Variants in PCDHGB1 observed in about 807,000 individuals in gnomAD.
PCDHGB1 encodes the protein protocadherin gamma subfamily B, 1.
PCDHGB1 carries 34 observed loss-of-function variants against 56.6 expected under a neutral mutation model. The observed-to-expected ratio is 0.60, with a 90% CI of 0.46 to 0.80. PCDHGB1 has a LOEUF of 0.80. Ranked by LOEUF, PCDHGB1 falls within the 30% of genes least tolerant of loss-of-function variation. PCDHGB1 has a pLI of 0.00. For missense variants in PCDHGB1, 1,278 were observed against 1,204.6 expected (o/e 1.06, Z -0.90); for synonymous variants, 561 against 505.9 (o/e 1.11, Z -1.46).
intron 1 of PCDHGB1, chr5:141,410,939 C>T (rs960754863): frequency 5.1e-5 from 10 of 195,446 alleles, no homozygotes; most frequent in South Asian, 1.1e-4. Flanking sequence ...CTGCAACCTC[C>T]GCCTTCTGGG....
chr5:141,415,772 T>TTTTA, intron 1 of PCDHGB1: 1 of 1,332,982 alleles, frequency 7.5e-7, no homozygotes, highest in Non-Finnish European at 9.6e-7. Context: ...TTTTTTTTTT[T>TTTTA]ACTTTCTGGT....
chr5:141,428,423 G>C (rs939814279), intron 1 of PCDHGB1: 1 of 440,550 alleles, frequency 2.3e-6, no homozygotes, highest in Non-Finnish European at 4.3e-6. Flanking sequence ...CCTGGTCTCT[G>C]TTCTAAGACT....
chr5:141,351,210 C>T lies in PCDHGB1; in HGVS notation c.950C>T (p.Ala317Val). Residue 317 changes from alanine (A) to valine (V), a missense_variant, in exon 1 of 4, where the codon GCT (alanine) becomes GTT (valine). By Grantham distance (64) the Ala-to-Val change is moderately conservative. Coordinates refer to ENST00000523390, the MANE Select transcript of PCDHGB1 (RefSeq NM_018922.3). ...AGTAGATATGTGTTGAGTGTGGAAGCTAAGGATGGAGGAGTACACACAGCT... is the reference window on the plus strand; with the variant it reads ...AGTAGATATGTGTTGAGTGTGGAAGTTAAGGATGGAGGAGTACACACAGCT... ...ETSRYVLSVE[A>V]KDGGVHTAHC... 1 of 1,613,986 alleles carries T rather than the reference C, an allele frequency of 6.2e-7. No individual in the cohort carries two copies. Among genetic ancestry groups the T allele is most frequent in the Non-Finnish European group, 8.5e-7 (1 of 1,179,882 alleles).
chr5:141,391,797 A>G (rs1283933191), intron 1 of PCDHGB1: 1 of 152,180 alleles, frequency 6.6e-6, no homozygotes, highest in African/African-American at 2.4e-5. Context: ...AGTTTTTTAG[A>G]TCAAAGTGTT....
intron 1 of PCDHGB1, chr5:141,385,045 C>T (rs769354835): frequency 1.9e-6 from 3 of 1,614,178 alleles, no homozygotes. Flanking sequence ...GGCGCTCAGG[C>T]TGCGGCGCTG....
chr5:141,370,999 G>T, intron 1 of PCDHGB1: 3 of 1,614,020 alleles, frequency 1.9e-6, no homozygotes, highest in Non-Finnish European at 2.5e-6. Flanking sequence ...CCCCTGGACA[G>T]GGAAGAGCAG....
Position 141,431,877 on chromosome 5 carries a change from AC to A in PCDHGB1, c.2410-62928del. 1 of 1,614,230 alleles carries A rather than the reference AC, an allele frequency of 6.2e-7. No individual in the cohort carries two copies. The highest frequency in any genetic ancestry group is 1.3e-5 in the African/African-American group (1 of 75,070). ...TTAATTGCCCTTTTAAATGTAAATGACCAAGATTCTGAGGAAAACGGACAGG... is the reference window on the plus strand; with the variant it reads ...TTAATTGCCCTTTTAAATGTAAATGACAAGATTCTGAGGAAAACGGACAGG... On this transcript the variant is annotated intron_variant, in intron 1 of 3. Coordinates refer to ENST00000523390, the MANE Select transcript of PCDHGB1 (RefSeq NM_018922.3). The surrounding 1 kb of genome is among the most constrained non-coding windows in gnomAD (Gnocchi z 4.8).
rs140056243 is a variant in PCDHGB1 at position 141,487,386 on chromosome 5, G to A, written c.2410-7421G>A. 21 of 1,614,046 alleles carry A rather than the reference G, an allele frequency of 1.3e-5. No individual in the cohort carries two copies. The highest frequency in any genetic ancestry group is 4.0e-5 in the African/African-American group (3 of 74,920). On this transcript the variant is annotated intron_variant, in intron 1 of 3. Coordinates refer to ENST00000523390, the MANE Select transcript of PCDHGB1 (RefSeq NM_018922.3). The surrounding 1 kb of genome is among the most constrained non-coding windows in gnomAD (Gnocchi z 5.0). Reference sequence around the variant, plus strand: ...ACCTGTGCCTGTCTCACCAGATCTCGAAGGAGGGAGGGGCTTCCCCCTTCC... The same window carrying A: ...ACCTGTGCCTGTCTCACCAGATCTCAAAGGAGGGAGGGGCTTCCCCCTTCC...
At chr5:141,392,247 T>C (rs1228504452) in intron 1 of PCDHGB1, 1 of 152,196 alleles carries the variant, frequency 6.6e-6, no homozygotes, top group Non-Finnish European at 1.5e-5. Context: ...TATTTGTTAG[T>C]ATATATTGGA....
At chr5:141,374,266 G>A (rs763355904) in intron 1 of PCDHGB1, 5 of 1,614,016 alleles carry the variant, frequency 3.1e-6, no homozygotes, top group Middle Eastern at 1.7e-4. Context: ...AGTTGGCGGA[G>A]CACGGAGTCC....
chr5:141,437,794 G>C (rs1162440523), intron 1 of PCDHGB1, among the ~76,000 whole-genome samples: 1 of 150,526 alleles, frequency 6.6e-6, no homozygotes, highest in Non-Finnish European at 1.5e-5. Context: ...CTGGAGTGCA[G>C]TGGCACTATC....
chr5:141,413,809 C>G, intron 1 of PCDHGB1: 1 of 1,613,188 alleles, frequency 6.2e-7, no homozygotes. Flanking sequence ...AGAGGCCATT[C>G]ACCACCTGGT....
chr5:141,372,700 A>G (rs1768981627), intron 1 of PCDHGB1: 1 of 1,614,002 alleles, frequency 6.2e-7, no homozygotes, highest in South Asian at 1.1e-5. Context: ...AAATTTCTCA[A>G]TATAAAGGCT....
At chr5:141,420,501 A>T in intron 1 of PCDHGB1, 1 of 469,392 alleles carries the variant, frequency 2.1e-6, no homozygotes, top group East Asian at 4.1e-5. Context: ...CTCCGGTGAC[A>T]TTTTTATGAA....
chr5:141,427,936 G>A, intron 1 of PCDHGB1: 1 of 1,584,966 alleles, frequency 6.3e-7, no homozygotes, highest in Admixed American at 1.7e-5. Context: ...ATGTTGGTGG[G>A]CGACCTCAAT....
intron 2 of PCDHGB1, among the ~76,000 whole-genome samples, chr5:141,502,500 G>A (rs1398797155): frequency 6.6e-6 from 1 of 152,046 alleles, no homozygotes; most frequent in Non-Finnish European, 1.5e-5. Context: ...ATCTAACGTC[G>A]GCCTGTCCCA....
intron 1 of PCDHGB1, among the ~76,000 whole-genome samples, chr5:141,425,350 A>G (rs926657846): frequency 6.6e-6 from 1 of 152,194 alleles, no homozygotes; most frequent in Non-Finnish European, 1.5e-5. Context: ...TGGCTTTGAA[A>G]TGTGATATTA....
At chr5:141,374,497 G>T in intron 1 of PCDHGB1, 5 of 1,611,562 alleles carry the variant, frequency 3.1e-6, no homozygotes, top group Non-Finnish European at 4.2e-6. Flanking sequence ...AGGAAGAATT[G>T]GAAGTGAAAA....
chr5:141,506,435 G>T (rs1470687416), intron 3 of PCDHGB1, among the ~76,000 whole-genome samples: 1 of 126,234 alleles, frequency 7.9e-6, no homozygotes, highest in Non-Finnish European at 1.6e-5. Context: ...CAACAGTCTC[G>T]CTCTGTCTCA....
Sources: gnomAD v4.1 joint callset for allele counts (sites outside exome capture counted in the v4.1 genomes callset) on GRCh38, gnomAD v4.1.1 for gene constraint, Gnocchi (gnomAD v3.1) non-coding constraint, MANE v1.5 for transcripts, NCBI Gene and HGNC (gene_info 2026-07-23, HGNC 2026-07-21) for gene names.